LUZP2: variants seen among roughly 807,000 people sequenced by gnomAD.
LUZP2 encodes the protein leucine zipper protein 2.
LUZP2 carries 52 observed loss-of-function variants against 51.6 expected under a neutral mutation model. The observed-to-expected ratio is 1.01, with a 90% CI of 0.81 to 1.27. The LOEUF (loss-of-function observed/expected upper bound fraction) is 1.27, where lower values mean the gene tolerates loss of function less well. Among genes scored for constraint, LUZP2 ranks in the 50% most tolerant of loss-of-function variants. LUZP2 has a pLI of 0.00. For synonymous variants in LUZP2, 154 were observed against 137.3 expected (o/e 1.12, Z -0.85); for missense variants, 436 against 395.4 (o/e 1.10, Z -0.87).
chr11:24,879,355 T>C (rs552290750), intron 5 of LUZP2, among the ~76,000 whole-genome samples: 49 of 152,324 alleles, frequency 3.2e-4, no homozygotes, highest in Admixed American at 1.1e-3. Flanking sequence ...ACTTTGCTAT[T>C]GTAAACAGTG....
At chr11:25,060,161 A>T (rs1177772435) in intron 10 of LUZP2, among the ~76,000 whole-genome samples, 1 of 152,180 alleles carries the variant, frequency 6.6e-6, no homozygotes, top group Non-Finnish European at 1.5e-5. Flanking sequence ...GTCTTCATTC[A>T]TTAGAGTTGC....
chr11:24,946,770 T>C (rs1200001568), intron 7 of LUZP2, among the ~76,000 whole-genome samples: 1 of 151,990 alleles, frequency 6.6e-6, no homozygotes, highest in Non-Finnish European at 1.5e-5. Context: ...TGCTTCTCCT[T>C]ATTTCTTCCT....
intron 5 of LUZP2, among the ~76,000 whole-genome samples, chr11:24,828,880 A>G (rs184682439): frequency 6.6e-6 from 1 of 152,316 alleles, no homozygotes; most frequent in Non-Finnish European, 1.5e-5. Flanking sequence ...CTAAAGAACC[A>G]CAGGCAGGAG....
intron 1 of LUZP2, among the ~76,000 whole-genome samples, chr11:24,710,978 G>T (rs2133930204): frequency 6.8e-6 from 1 of 147,774 alleles, no homozygotes; most frequent in African/African-American, 2.5e-5. Context: ...GGGGAGGAAA[G>T]AAAGAAGGGA....
chr11:24,848,627 G>A (rs1457844212), intron 5 of LUZP2, among the ~76,000 whole-genome samples: 1 of 151,924 alleles, frequency 6.6e-6, no homozygotes, highest in Non-Finnish European at 1.5e-5. Context: ...CTGCATCTTT[G>A]TCCTCTGCCT....
chr11:24,715,304 T>TGTGTGTGTGTGTGC, intron 1 of LUZP2, among the ~76,000 whole-genome samples: 2 of 67,768 alleles, frequency 3.0e-5, no homozygotes, highest in South Asian at 7.9e-4. Flanking sequence ...TGTGTGTGTG[T>TGTGTGTGTGTGTGC]GTGCATGCGT....
At chr11:24,942,179 CA>C (rs1427930814) in intron 7 of LUZP2, among the ~76,000 whole-genome samples, 2 of 152,110 alleles carry the variant, frequency 1.3e-5, no homozygotes, top group African/African-American at 4.8e-5. Flanking sequence ...TGAGGTCTCA[CA>C]CAGAGATCTT....
At chr11:24,869,152 T>C (rs1851981812) in intron 5 of LUZP2, among the ~76,000 whole-genome samples, 1 of 152,212 alleles carries the variant, frequency 6.6e-6, no homozygotes, top group Non-Finnish European at 1.5e-5. Flanking sequence ...CTCTGCTTGA[T>C]ACATACCATC....
At chr11:24,769,503 A>G (rs1419279855) in intron 5 of LUZP2, among the ~76,000 whole-genome samples, 2 of 152,176 alleles carry the variant, frequency 1.3e-5, no homozygotes, top group African/African-American at 4.8e-5. Flanking sequence ...CAGCTGATAA[A>G]TATGTACAAT....
chr11:24,989,521 A>G (rs1316522283), intron 9 of LUZP2, among the ~76,000 whole-genome samples: 2 of 152,128 alleles, frequency 1.3e-5, no homozygotes, highest in African/African-American at 2.4e-5. Flanking sequence ...CACTCATGAT[A>G]TCAATTCAAA....
chr11:25,065,639 CT>C (rs1217382338), intron 10 of LUZP2, among the ~76,000 whole-genome samples: 5 of 152,110 alleles, frequency 3.3e-5, no homozygotes, highest in African/African-American at 1.2e-4. Flanking sequence ...CACTTTTTAT[CT>C]GTTTCCAAGA....
chr11:24,837,830 C>T (rs1850904834), intron 5 of LUZP2, among the ~76,000 whole-genome samples: 1 of 151,556 alleles, frequency 6.6e-6, no homozygotes, highest in African/African-American at 2.4e-5. Flanking sequence ...TACTGTCCCC[C>T]ATCTTAGTAT....
At chr11:24,612,585 C>A (rs1230404378) in intron 1 of LUZP2, among the ~76,000 whole-genome samples, 1 of 152,080 alleles carries the variant, frequency 6.6e-6, no homozygotes, top group Admixed American at 6.6e-5. Context: ...TTTGCTCACA[C>A]ACTCTTACAA....
chr11:24,752,176 C>G (rs894585045), intron 4 of LUZP2, among the ~76,000 whole-genome samples: 6 of 152,006 alleles, frequency 3.9e-5, no homozygotes, highest in Non-Finnish European at 7.4e-5. Context: ...GAAACTTTAT[C>G]GTGCCATCGT....
chr11:25,058,022 A>T (rs535939297), intron 10 of LUZP2, among the ~76,000 whole-genome samples: 3 of 152,248 alleles, frequency 2.0e-5, no homozygotes, highest in East Asian at 1.9e-4. Context: ...TGCTTGGTTA[A>T]CATAATTTTC....
rs1859457608 is a variant in LUZP2 at position 25,081,420 on chromosome 11, A to T, written c.*2762A>T. ...TTATACTCATTGCATCATTTGTTTA[A>T]AAAAAAAAAAGAAACTTGTAGCAGG... On this transcript the variant is annotated 3_prime_UTR_variant, in exon 12 of 12. Transcript: ENST00000336930. 1 of 143,348 alleles carries T rather than the reference A, an allele frequency of 7.0e-6. No homozygotes were observed. The highest frequency in any genetic ancestry group is 2.4e-4 in the South Asian group (1 of 4,130). 8.9% of individuals were successfully genotyped at this position (143,348 alleles called of 1,614,324 possible).
intron 7 of LUZP2, among the ~76,000 whole-genome samples, chr11:24,922,995 C>A (rs188771477): frequency 0.015 from 2,316 of 151,470 alleles, 60 homozygotes; most frequent in African/African-American, 0.052. Flanking sequence ...ATTACAGGCA[C>A]CCGCCACCAC....
chr11:24,853,532 T>A (rs2631450), intron 5 of LUZP2, among the ~76,000 whole-genome samples: 23,023 of 152,018 alleles, frequency 0.15, 1,902 homozygotes, highest in African/African-American at 0.2. Flanking sequence ...AAACTTTTTT[T>A]AAGGTGCTTA....
At chr11:24,824,346 A>G (rs1232791863) in intron 5 of LUZP2, among the ~76,000 whole-genome samples, 3 of 132,808 alleles carry the variant, frequency 2.3e-5, no homozygotes, top group African/African-American at 8.0e-5. Flanking sequence ...AGCCTGAGCA[A>G]GAAGAGCAAA....
Sources: allele counts gnomAD v4.1 joint callset (sites outside exome capture counted in the v4.1 genomes callset), GRCh38; gene constraint gnomAD v4.1.1; transcripts MANE v1.5; gene names NCBI Gene and HGNC (gene_info 2026-07-23, HGNC 2026-07-21).